The following PDE2A variants were observed in gnomAD, a reference collection of about 807,000 sequenced individuals.
PDE2A encodes the protein phosphodiesterase 2A, also known as cGMP-dependent 3',5'-cyclic phosphodiesterase.
PDE2A carries 53 observed loss-of-function variants against 133.6 expected under a neutral mutation model. That is an observed-to-expected ratio of 0.40 (90% CI 0.32 to 0.50). The LOEUF (loss-of-function observed/expected upper bound fraction) is 0.50. Among genes scored for constraint, PDE2A ranks in the 20% least tolerant of loss-of-function variants. The probability of loss-of-function intolerance (pLI) is 0.73; values close to 1 mark genes in which losing one functional copy is unlikely to be tolerated. For missense variants in PDE2A, 796 were observed against 1,232.4 expected (o/e 0.65, Z 5.30); for synonymous variants, 491 against 490.2 (o/e 1.00, Z -0.02).
At chr11:72,599,042 C>A in intron 4 of PDE2A, 1 of 985,274 alleles carries the variant, frequency 1.0e-6, no homozygotes, top group Non-Finnish European at 1.2e-6. Flanking sequence ...CAGGGGGTGA[C>A]CCCTGGCCAA....
At chr11:72,606,793 G>A (rs1220262037) in intron 3 of PDE2A, among the ~76,000 whole-genome samples, 1 of 152,182 alleles carries the variant, frequency 6.6e-6, no homozygotes, top group African/African-American at 2.4e-5. Flanking sequence ...GGGAGGGGTG[G>A]GTAGTCCATG....
chr11:72,667,514 G>A (rs1042627630), intron 1 of PDE2A, among the ~76,000 whole-genome samples: 4 of 152,136 alleles, frequency 2.6e-5, no homozygotes, highest in African/African-American at 7.2e-5. Context: ...TGGAGGTGGA[G>A]AACAATGGGC....
intron 1 of PDE2A, among the ~76,000 whole-genome samples, chr11:72,651,561 G>A (rs1854742091): frequency 1.3e-5 from 2 of 152,180 alleles, no homozygotes; most frequent in Admixed American, 6.5e-5. Flanking sequence ...AGTGCCTCCT[G>A]GAGACCCCGT....
intron 2 of PDE2A, among the ~76,000 whole-genome samples, chr11:72,637,448 C>T (rs1003865321): frequency 1.5e-4 from 23 of 152,240 alleles, no homozygotes. Flanking sequence ...CACTAATGTC[C>T]ACCTAGGAAG....
rs115825370 is a variant in PDE2A at position 72,598,226 on chromosome 11, C to T, written c.324-607G>A. Among the ~76,000 whole-genome samples the T allele has an allele frequency of 5.3e-3, 800 of 152,318 alleles. 5 individuals are homozygous for T. Among genetic ancestry groups the T allele is most frequent in the African/African-American group, 0.018 (764 of 41,562 alleles). ...TGGCACCAAGAGGCTAATTCACTTGCCCAGGGTTACACAGTGAATAAGCGG... is the reference window on the plus strand; with the variant it reads ...TGGCACCAAGAGGCTAATTCACTTGTCCAGGGTTACACAGTGAATAAGCGG... On this transcript the variant is annotated intron_variant, in intron 4 of 30. Transcript: ENST00000334456.
chr11:72,626,330 C>T (rs1032909259), intron 2 of PDE2A, among the ~76,000 whole-genome samples: 2 of 152,214 alleles, frequency 1.3e-5, no homozygotes, highest in Non-Finnish European at 2.9e-5. Context: ...TCCCTGCACG[C>T]CCCGGGCCTG....
chr11:72,647,828 G>A (rs1859170252), intron 1 of PDE2A, among the ~76,000 whole-genome samples: 1 of 152,206 alleles, frequency 6.6e-6, no homozygotes. Context: ...TGTGTGTGAG[G>A]GTGGAAGAGA....
rs1855572545 is a variant in PDE2A at position 72,578,640 on chromosome 11, C to T, written c.2470-126G>A. ...TCAGTCCCAGCTCAGGAGCCGTCCC[C>T]ACCAGCCCCAGCTTGGCAGTGGGAT... On this transcript the variant is annotated intron_variant, in intron 28 of 30. Transcript: ENST00000334456. The surrounding 1 kb of genome is among the most constrained non-coding windows in gnomAD (Gnocchi z 4.2). The T allele has an allele frequency of 1.2e-6, 1 of 855,970 alleles. No individual in the cohort carries two copies. 53.0% of individuals were successfully genotyped at this position (855,970 alleles called of 1,614,324 possible).
chr11:72,671,914 C>A (rs1276259745), intron 1 of PDE2A, among the ~76,000 whole-genome samples: 1 of 152,114 alleles, frequency 6.6e-6, no homozygotes, highest in Non-Finnish European at 1.5e-5. Context: ...CCTGAGCCTT[C>A]CATGAGCCTT....
chr11:72,608,565 TCTTC>T, intron 3 of PDE2A, 93 bp downstream of exon 3: 1 of 692,002 alleles, frequency 1.4e-6, no homozygotes, highest in Non-Finnish European at 2.6e-6. Flanking sequence ...GGACCCTGCC[TCTTC>T]CTTCCTCCTT....
intron 2 of PDE2A, among the ~76,000 whole-genome samples, chr11:72,640,638 C>A (rs1858914029): frequency 1.3e-5 from 2 of 152,174 alleles, no homozygotes; most frequent in African/African-American, 2.4e-5. Context: ...AACACATTGG[C>A]ACACACGGCA....
chr11:72,583,702 T>C (rs1855825865), intron 19 of PDE2A, 187 bp from the exon 20 acceptor site: 3 of 589,526 alleles, frequency 5.1e-6, no homozygotes, highest in Non-Finnish European at 9.1e-6. Flanking sequence ...CCCGCGCCGG[T>C]TCCTCCTCAT....
In PDE2A at chr11:72,586,188, G is replaced by T; in HGVS notation, c.1071-7C>A. ...CTCGTCCTCGTCGGTGAACCTGGAGGAGGGGGTGGGCTCACTCAGGAGGGA... is the reference window on the plus strand; with the variant it reads ...CTCGTCCTCGTCGGTGAACCTGGAGTAGGGGGTGGGCTCACTCAGGAGGGA... On this transcript the variant is annotated splice_polypyrimidine_tract_variant and splice_region_variant and intron_variant, in intron 13 of 30. Transcript: ENST00000334456. 3 of 1,553,470 alleles carry T rather than the reference G, an allele frequency of 1.9e-6. No individual in the cohort carries two copies. The highest frequency in any genetic ancestry group is 1.8e-6 in the Non-Finnish European group (2 of 1,127,906).
At chr11:72,629,728 G>T (rs1858277290) in intron 2 of PDE2A, among the ~76,000 whole-genome samples, 1 of 152,226 alleles carries the variant, frequency 6.6e-6, no homozygotes, top group Admixed American at 6.5e-5. Flanking sequence ...GGCCGGGAAA[G>T]AGTGAGCCTC....
chr11:72,672,972 A>C (rs967093014), intron 1 of PDE2A, among the ~76,000 whole-genome samples: 10 of 151,994 alleles, frequency 6.6e-5, no homozygotes, highest in Non-Finnish European at 1.5e-4. Context: ...TCAGATGAAT[A>C]CACACATATA....
intron 2 of PDE2A, among the ~76,000 whole-genome samples, chr11:72,629,187 G>A (rs1172876909): frequency 2.6e-5 from 4 of 152,132 alleles, no homozygotes; most frequent in Admixed American, 6.5e-5. Context: ...AGGTGGGGCC[G>A]ACCCAGGGAA....
At chr11:72,594,033 C>T (rs369289173) in intron 6 of PDE2A, among the ~76,000 whole-genome samples, 142 of 152,348 alleles carry the variant, frequency 9.3e-4, no homozygotes, top group African/African-American at 3.3e-3. Context: ...GTTATGCTCA[C>T]TTTAGTGCTT....
At chr11:72,601,593 T>G (rs1454357508) in intron 4 of PDE2A, among the ~76,000 whole-genome samples, 1 of 152,006 alleles carries the variant, frequency 6.6e-6, no homozygotes, top group Non-Finnish European at 1.5e-5. Context: ...CGGTGGGTGC[T>G]TCAGTTGCAG....
At chr11:72,635,982 T>C (rs1366850743) in intron 2 of PDE2A, 25 of 1,238,190 alleles carry the variant, frequency 2.0e-5, no homozygotes, top group Non-Finnish European at 4.2e-6. Flanking sequence ...CCTCTTACCC[T>C]GAGCTCCCGA....
Sources: allele counts gnomAD v4.1 joint callset (sites outside exome capture counted in the v4.1 genomes callset), GRCh38; gene constraint gnomAD v4.1.1; non-coding constraint Gnocchi (gnomAD v3.1); transcripts MANE v1.5; gene names NCBI Gene and HGNC (gene_info 2026-07-23, HGNC 2026-07-21).